SAMD4A: variants seen among roughly 807,000 people sequenced by gnomAD.
SAMD4A encodes sterile alpha motif domain containing 4A.
SAMD4A carries 33 observed loss-of-function variants against 81.3 expected under a neutral mutation model. The observed-to-expected ratio is 0.41, with a 90% CI of 0.31 to 0.54. The LOEUF (loss-of-function observed/expected upper bound fraction) is 0.54, where lower values mean the gene tolerates loss of function less well. Among genes scored for constraint, SAMD4A ranks in the 20% least tolerant of loss-of-function variants. SAMD4A has a pLI of 0.37. For synonymous variants in SAMD4A, 389 were observed against 382.1 expected (o/e 1.02, Z -0.21); for missense variants, 854 against 951.1 (o/e 0.90, Z 1.34).
chr14:54,699,907 G>C (rs1245722491), intron 2 of SAMD4A, among the ~76,000 whole-genome samples: 1 of 151,726 alleles, frequency 6.6e-6, no homozygotes, highest in African/African-American at 2.4e-5. Context: ...TCCTGCTTCG[G>C]TTTGGAGACT....
chr14:54,593,388 T>C (rs903522938), intron 2 of SAMD4A, among the ~76,000 whole-genome samples: 1 of 152,244 alleles, frequency 6.6e-6, no homozygotes, highest in African/African-American at 2.4e-5. Flanking sequence ...TCATTTTCTT[T>C]TCTCCATCCA....
At chr14:54,619,662 T>A (rs554729345) in intron 2 of SAMD4A, among the ~76,000 whole-genome samples, 2 of 152,298 alleles carry the variant, frequency 1.3e-5, no homozygotes, top group East Asian at 3.9e-4. Flanking sequence ...CTCTGATAGG[T>A]CCCAGTGTCT....
chr14:54,607,479 G>A lies in SAMD4A; in HGVS notation c.196+39367G>A, dbSNP rs570952650. Among the ~76,000 whole-genome samples the A allele has an allele frequency of 4.4e-3, 656 of 148,366 alleles. 5 individuals are homozygous for A. Among genetic ancestry groups the A allele is most frequent in the African/African-American group, 0.015 (618 of 40,568 alleles). On this transcript the variant is annotated intron_variant, in intron 2 of 12. Coordinates refer to ENST00000554335, the MANE Select transcript of SAMD4A (RefSeq NM_015589.6). Reference sequence around the variant, plus strand: ...CTCATTTTTTTTTTTTTTTTTAGACGGAGTCTTGCTCTGTCGCCCAGGCTG... The same window carrying A: ...CTCATTTTTTTTTTTTTTTTTAGACAGAGTCTTGCTCTGTCGCCCAGGCTG...
At chr14:54,768,110 C>G (rs767289362) in intron 8 of SAMD4A, among the ~76,000 whole-genome samples, 13 of 152,222 alleles carry the variant, frequency 8.5e-5, no homozygotes, top group Non-Finnish European at 1.6e-4. Context: ...GAAACTCAGG[C>G]CAGTTGTCCT....
chr14:54,685,850 AGTG>A (rs1179011470), intron 2 of SAMD4A: 1 of 456,600 alleles, frequency 2.2e-6, no homozygotes, highest in African/African-American at 2.0e-5. Flanking sequence ...AGAAAAAGGA[AGTG>A]GTGTCAGATC....
intron 11 of SAMD4A, among the ~76,000 whole-genome samples, chr14:54,779,215 A>C (rs190712728): frequency 6.4e-4 from 97 of 152,342 alleles, no homozygotes; most frequent in African/African-American, 2.3e-3. Context: ...CAGGCGTTAA[A>C]ACTAGACTAC....
At chr14:54,658,662 T>C (rs72713405) in intron 2 of SAMD4A, among the ~76,000 whole-genome samples, 1 of 152,218 alleles carries the variant, frequency 6.6e-6, no homozygotes, top group Non-Finnish European at 1.5e-5. Context: ...TCTGTGCCAC[T>C]GGGATATTCC....
intron 2 of SAMD4A, among the ~76,000 whole-genome samples, chr14:54,670,044 T>G (rs2035846161): frequency 6.6e-6 from 1 of 152,064 alleles, no homozygotes; most frequent in Non-Finnish European, 1.5e-5. Flanking sequence ...ACGCACTGAG[T>G]GTTTGTTGTG....
chr14:54,776,015 T>TAAAAAAAAAAA (rs10539223), intron 10 of SAMD4A, among the ~76,000 whole-genome samples: 11 of 89,840 alleles, frequency 1.2e-4, no homozygotes, highest in African/African-American at 5.3e-4. Flanking sequence ...GTAAGAATCT[T>TAAAAAAAAAAA]AAAAAAAAAA....
At chr14:54,661,034 G>C (rs1011114046) in intron 2 of SAMD4A, among the ~76,000 whole-genome samples, 1 of 152,218 alleles carries the variant, frequency 6.6e-6, no homozygotes, top group Non-Finnish European at 1.5e-5. Flanking sequence ...GAACATAATA[G>C]AGTGAAAGGC....
chr14:54,613,250 T>C (rs1256518514), intron 2 of SAMD4A, among the ~76,000 whole-genome samples: 1 of 152,194 alleles, frequency 6.6e-6, no homozygotes, highest in Non-Finnish European at 1.5e-5. Flanking sequence ...AGATGCTCAC[T>C]GATTCTGACA....
intron 5 of SAMD4A, 57 bp downstream of exon 5, chr14:54,748,981 C>T: frequency 2.4e-6 from 3 of 1,272,208 alleles, no homozygotes; most frequent in Non-Finnish European, 3.4e-6. Flanking sequence ...ACCTGAAGTT[C>T]AAGGCCTGGA....
At chr14:54,603,583 G>A (rs1208799493) in intron 2 of SAMD4A, among the ~76,000 whole-genome samples, 1 of 152,126 alleles carries the variant, frequency 6.6e-6, no homozygotes, top group South Asian at 2.1e-4. Flanking sequence ...GGTTGTACAG[G>A]CATTTGGCCT....
intron 11 of SAMD4A, among the ~76,000 whole-genome samples, chr14:54,784,051 T>G (rs1348076593): frequency 6.6e-6 from 1 of 152,094 alleles, no homozygotes; most frequent in South Asian, 2.1e-4. Context: ...ACAAAGTCCT[T>G]TCCAAGGAGA....
chr14:54,779,075 G>A (rs2038934035), intron 11 of SAMD4A, among the ~76,000 whole-genome samples: 1 of 151,736 alleles, frequency 6.6e-6, no homozygotes, highest in Non-Finnish European at 1.5e-5. Context: ...GAGTCATAGA[G>A]TCAGGGTCCT....
At chr14:54,674,622 C>T (rs2035952041) in intron 2 of SAMD4A, among the ~76,000 whole-genome samples, 1 of 152,196 alleles carries the variant, frequency 6.6e-6, no homozygotes, top group Non-Finnish European at 1.5e-5. Context: ...TACCTTTCTA[C>T]AGATGTCTTT....
intron 2 of SAMD4A, among the ~76,000 whole-genome samples, chr14:54,635,136 T>C (rs2035003056): frequency 6.6e-6 from 1 of 152,174 alleles, no homozygotes; most frequent in Admixed American, 6.5e-5. Context: ...TCTCAAAACT[T>C]ATCCAGCTGG....
chr14:54,769,273 T>A (rs1320230423), intron 8 of SAMD4A, among the ~76,000 whole-genome samples: 1 of 152,196 alleles, frequency 6.6e-6, no homozygotes, highest in East Asian at 1.9e-4. Context: ...GCTCTGGGCA[T>A]GTGGAAGGGA....
chr14:54,664,744 C>T (rs142316794), intron 2 of SAMD4A, among the ~76,000 whole-genome samples: 2 of 151,256 alleles, frequency 1.3e-5, no homozygotes, highest in Non-Finnish European at 2.9e-5. Context: ...TTTCAAAGTA[C>T]TTGTTCCATG....
Sources: gnomAD v4.1 joint callset for allele counts (sites outside exome capture counted in the v4.1 genomes callset) on GRCh38, gnomAD v4.1.1 for gene constraint, MANE v1.5 for transcripts, NCBI Gene and HGNC (gene_info 2026-07-23, HGNC 2026-07-21) for gene names.